Variants in ZNF423 observed in about 807,000 individuals in gnomAD.
The protein encoded by ZNF423 is zinc finger protein 423, also known as Ebf-associated zinc finger protein.
Under a neutral mutation model 95.8 loss-of-function variants are expected in ZNF423, and 12 were observed. The ratio of observed to expected loss-of-function variants is 0.13; its 90% CI spans 0.08 to 0.20. The LOEUF is 0.20. Among genes scored for constraint, ZNF423 ranks in the 10% least tolerant of loss-of-function variants. ZNF423 has a pLI of 1.00. For synonymous variants in ZNF423, 749 were observed against 711.9 expected (o/e 1.05, Z -0.83); for missense variants, 1,316 against 1,737.1 (o/e 0.76, Z 4.31).
At chr16:49,719,460 G>T (rs2032801956) in intron 3 of ZNF423, among the ~76,000 whole-genome samples, 1 of 152,214 alleles carries the variant, frequency 6.6e-6, no homozygotes, top group Non-Finnish European at 1.5e-5. Context: ...AAATGATGTG[G>T]TTTTTTGGTA....
intron 7 of ZNF423, among the ~76,000 whole-genome samples, chr16:49,505,552 G>C (rs1230228403): frequency 1.3e-5 from 2 of 151,456 alleles, no homozygotes; most frequent in Non-Finnish European, 2.9e-5. Flanking sequence ...CAGACCCCCA[G>C]GCTGCAGGGC....
chr16:49,567,532 G>A (rs187451959), intron 5 of ZNF423, among the ~76,000 whole-genome samples: 2 of 152,260 alleles, frequency 1.3e-5, no homozygotes, highest in Admixed American at 6.5e-5. Context: ...CATCTCGGTC[G>A]CCGTTCATGC....
At chr16:49,713,520 G>C (rs2032609496) in intron 3 of ZNF423, among the ~76,000 whole-genome samples, 1 of 152,104 alleles carries the variant, frequency 6.6e-6, no homozygotes, top group Admixed American at 6.5e-5. Context: ...CCTACAGCCA[G>C]TCTCTCCAGG....
rs1482909015 is a variant in ZNF423, at chr16:49,776,648, T to TG, written c.100+12838dup. Among the ~76,000 whole-genome samples, 4 of 152,170 alleles carry TG rather than the reference T, an allele frequency of 2.6e-5. No individual in the cohort carries two copies. In the East Asian group the frequency reaches 7.8e-4, roughly 30 times the overall value. Reference sequence around the variant, plus strand: ...GTGTAAAATGAAGTCACATGCAAGTTGGGGGTTGCGGGGCGGCCCATGCAG... The same window carrying TG: ...GTGTAAAATGAAGTCACATGCAAGTTGGGGGGTTGCGGGGCGGCCCATGCAG... On this transcript the variant is annotated intron_variant, in intron 2 of 7. Transcript: ENST00000563137.
rs186686740 is a variant in ZNF423, at chr16:49,695,503, G to T, written c.301+35268C>A. 5.0e-3 allele frequency among the ~76,000 whole-genome samples: 760 copies of T among 152,344 alleles called. 2 individuals are homozygous for T. The highest frequency in any genetic ancestry group is 8.6e-3 in the Non-Finnish European group (585 of 68,036). On this transcript the variant is annotated intron_variant, in intron 3 of 7. Transcript: ENST00000563137. ...AGATGGGGTTTCTCCATGTGGGTCA[G>T]GCTGGTCTCGAACTCCCAACCTCAG...
chr16:49,561,339 A>G (rs1191344857), intron 5 of ZNF423, among the ~76,000 whole-genome samples: 1 of 152,224 alleles, frequency 6.6e-6, no homozygotes, highest in Non-Finnish European at 1.5e-5. Flanking sequence ...TTGTAACTAC[A>G]TCTACTTTAC....
intron 2 of ZNF423, among the ~76,000 whole-genome samples, chr16:49,737,471 T>C (rs958647459): frequency 2.6e-5 from 4 of 152,218 alleles, no homozygotes; most frequent in African/African-American, 7.2e-5. Context: ...GGTTTTGCCA[T>C]GTTGGCCAGG....
chr16:49,850,109 A>G (rs2035287216), intron 1 of ZNF423, among the ~76,000 whole-genome samples: 1 of 152,256 alleles, frequency 6.6e-6, no homozygotes, highest in Admixed American at 6.5e-5. Flanking sequence ...TGAAAGCGGT[A>G]AAGTATTTTT....
In ZNF423 at chr16:49,845,057, A is replaced by AAAC. The variant is rs1240122138; in HGVS notation, c.40+10677_40+10678insGTT. ...TCTCAAAAAAAAAAAAAAAAAAAAA[A>AAAC]AAAAAACAAATCTTTTAGACATAAT... is the stretch of plus-strand genomic sequence containing the variant. On this transcript the variant is annotated intron_variant, in intron 1 of 7. Transcript: ENST00000563137. Among the ~76,000 whole-genome samples, 65 of 150,248 alleles carry AAAC rather than the reference A, an allele frequency of 4.3e-4. 2 individuals carry two copies. The highest frequency in any genetic ancestry group is 1.6e-3 in the African/African-American group (65 of 41,156).
At chr16:49,669,739 C>G (rs572153710) in intron 3 of ZNF423, among the ~76,000 whole-genome samples, 10 of 152,198 alleles carry the variant, frequency 6.6e-5, no homozygotes, top group East Asian at 1.9e-4. Flanking sequence ...GGTCACCCCC[C>G]ACACAGAGCC....
intron 5 of ZNF423, among the ~76,000 whole-genome samples, chr16:49,551,817 A>C (rs955940848): frequency 1.3e-5 from 2 of 152,192 alleles, no homozygotes; most frequent in African/African-American, 4.8e-5. Flanking sequence ...GGACAAGTGG[A>C]ACAGCCAGGA....
Position 49,626,165 on chromosome 16 carries a change from C to T in ZNF423, c.3601+5G>A. 1 of 1,613,886 alleles carries T rather than the reference C, an allele frequency of 6.2e-7. No homozygotes were observed. Among genetic ancestry groups the T allele is most frequent in the Non-Finnish European group, 8.5e-7 (1 of 1,179,836 alleles). On this transcript the variant is annotated splice_donor_5th_base_variant and intron_variant, in intron 5 of 7. Transcript: ENST00000563137. ...CAGCATGGCTGGGAGGAAATGCTCT[C>T]TTACCAATCATGTGGTTGGCAACGT...
chr16:49,731,430 G>A (rs780891045), intron 2 of ZNF423: 3 of 944,140 alleles, frequency 3.2e-6, no homozygotes, highest in South Asian at 4.9e-5. Flanking sequence ...GGGCAGTGAC[G>A]TTGGCTCAGT....
intron 1 of ZNF423, among the ~76,000 whole-genome samples, chr16:49,819,369 T>C (rs567560582): frequency 1.3e-5 from 2 of 152,008 alleles, no homozygotes; most frequent in Non-Finnish European, 2.9e-5. Context: ...AATATTTCCA[T>C]CTTCACCAAA....
Position 49,499,572 on chromosome 16 carries a change from G to T in ZNF423, c.3850-8268C>A, listed in dbSNP as rs762752202. 6.6e-4 allele frequency among the ~76,000 whole-genome samples: 101 copies of T among 152,158 alleles called. 2 individuals carry two copies. Among genetic ancestry groups the T allele is most frequent in the Non-Finnish European group, 2.9e-4 (20 of 68,034 alleles). On this transcript the variant is annotated intron_variant, in intron 7 of 7. Transcript: ENST00000563137. ...GCCTCTGACCCAGACTCCTTTTATT[G>T]ATGCCAACCGGATCCAGGTTTTCCG...
intron 7 of ZNF423, among the ~76,000 whole-genome samples, chr16:49,503,188 C>A (rs1967495676): frequency 6.6e-6 from 1 of 152,130 alleles, no homozygotes; most frequent in South Asian, 2.1e-4. Context: ...CCCACGTTCA[C>A]CCCACTGCTG....
At chr16:49,833,159 G>C (rs536196333) in intron 1 of ZNF423, among the ~76,000 whole-genome samples, 10 of 152,340 alleles carry the variant, frequency 6.6e-5, no homozygotes, top group Non-Finnish European at 1.0e-4. Context: ...AGCTTGGGGA[G>C]GTTTATCCGC....
chr16:49,794,065 C>A (rs1337461852), intron 1 of ZNF423, among the ~76,000 whole-genome samples: 1 of 151,824 alleles, frequency 6.6e-6, no homozygotes, highest in African/African-American at 2.4e-5. Flanking sequence ...GAGATGGGGT[C>A]TTTCTCTGTT....
At chr16:49,593,532 C>T (rs11646854) in intron 5 of ZNF423, among the ~76,000 whole-genome samples, 1 of 151,924 alleles carries the variant, frequency 6.6e-6, no homozygotes, top group African/African-American at 2.4e-5. Flanking sequence ...TGAAGTCTGG[C>T]GGACAGGGTT....
Sources: gnomAD v4.1 joint callset for allele counts (sites outside exome capture counted in the v4.1 genomes callset) on GRCh38, gnomAD v4.1.1 for gene constraint, MANE v1.5 for transcripts, NCBI Gene and HGNC (gene_info 2026-07-23, HGNC 2026-07-21) for gene names.